CCDC14: variants seen among roughly 807,000 people sequenced by gnomAD.
The protein encoded by CCDC14 is coiled-coil domain-containing protein 14.
A neutral mutation model predicts 81.4 loss-of-function variants in CCDC14; 71 were observed. The observed-to-expected ratio is 0.87, with a 90% CI of 0.72 to 1.06. The LOEUF is 1.06. Ranked by LOEUF, CCDC14 falls within the 50% of genes least tolerant of loss-of-function variation. The pLI, the probability that CCDC14 is intolerant of heterozygous loss-of-function variation, is 0.00. For missense variants in CCDC14, 1,046 were observed against 1,047.3 expected, an observed-to-expected ratio of 1.00 and a Z score of 0.02; for synonymous variants, 332 against 364.8, an observed-to-expected ratio of 0.91 and a Z score of 1.03.
intron 12 of CCDC14, among the ~76,000 whole-genome samples, chr3:123,922,781 T>TA (rs2035129822): frequency 6.6e-6 from 1 of 152,196 alleles, no homozygotes; most frequent in South Asian, 2.1e-4. Context: ...AACCAACACT[T>TA]AAAGAACATT....
At chr3:123,922,845 T>G (rs1409611597) in intron 12 of CCDC14, among the ~76,000 whole-genome samples, 1 of 152,102 alleles carries the variant, frequency 6.6e-6, no homozygotes, top group African/African-American at 2.4e-5. Context: ...ACATTCAAAG[T>G]GCAGGGAATT....
chr3:123,908,076 G>A (rs573136096), intron 5 of CCDC14, among the ~76,000 whole-genome samples: 52 of 152,038 alleles, frequency 3.4e-4, no homozygotes, highest in Middle Eastern at 3.4e-3. Context: ...GACACTCTTC[G>A]AAATTAAAAT....
intron 5 of CCDC14, among the ~76,000 whole-genome samples, chr3:123,907,251 G>A (rs1281607895): frequency 1.3e-5 from 2 of 152,130 alleles, no homozygotes; most frequent in Middle Eastern, 3.2e-3. Flanking sequence ...CAGCAAGCTT[G>A]TAAGGAGGAC....
downstream of CCDC14, among the ~76,000 whole-genome samples, chr3:123,896,891 G>T (rs568129818): frequency 6.6e-6 from 1 of 152,010 alleles, no homozygotes; most frequent in Non-Finnish European, 1.5e-5. Context: ...AGATAATAGC[G>T]ATTTAAAGTA....
At chr3:123,899,372 T>C (rs1167488331) in intron 5 of CCDC14, among the ~76,000 whole-genome samples, 3 of 152,166 alleles carry the variant, frequency 2.0e-5, no homozygotes, top group Non-Finnish European at 4.4e-5. Context: ...CCACCAGTGA[T>C]CCCCAAATGT....
chr3:123,915,497 T>C lies in CCDC14; in HGVS notation c.2000A>G (p.Glu667Gly), dbSNP rs138141215. ...GGTTTTGTCTGGCTCTATGGTTTCC[T>C]CATTTTTAATTGTAGAAAGTGGCTC... ...HSEPLSTIKN[E>G]ETIEPDKTYE... is the part of the protein sequence containing the mutation. The change falls in exon 13 of 13, where the codon GAG becomes GGG. Residue 667 changes from glutamate to glycine, a missense_variant. Coordinates refer to ENST00000409697, the MANE Select transcript of CCDC14 (RefSeq NM_001366335.1). 12 of 1,614,016 alleles carry C rather than the reference T, an allele frequency of 7.4e-6. No individual in the cohort carries two copies. Among genetic ancestry groups the C allele is most frequent in the Non-Finnish European group, 8.5e-7 (1 of 1,179,872 alleles).
chr3:123,903,344 G>A (rs1287188272), intron 5 of CCDC14, among the ~76,000 whole-genome samples: 1 of 133,996 alleles, frequency 7.5e-6, no homozygotes, highest in African/African-American at 3.2e-5. Context: ...ACACACACAC[G>A]ACAAGCCACA....
chr3:123,943,814 T>C (rs2036486301), intron 9 of CCDC14, among the ~76,000 whole-genome samples: 3 of 152,150 alleles, frequency 2.0e-5, no homozygotes, highest in Admixed American at 1.3e-4. Flanking sequence ...ACCGAGGGCA[T>C]AGAAGCTCCA....
chr3:123,957,496 CCTGT>C (rs1275488667), intron 1 of CCDC14: 3 of 151,934 alleles, frequency 2.0e-5, no homozygotes, highest in African/African-American at 7.2e-5. Context: ...AGAACTCTAC[CCTGT>C]CTCTTTATCT....
chr3:123,899,742 C>T (rs1188007604), intron 5 of CCDC14, among the ~76,000 whole-genome samples: 1 of 152,216 alleles, frequency 6.6e-6, no homozygotes, highest in Non-Finnish European at 1.5e-5. Flanking sequence ...TTTTCTTCAA[C>T]ATAAATCTGT....
At chr3:123,911,264 T>C (rs1260797296), downstream of CCDC14, among the ~76,000 whole-genome samples, 3 of 152,188 alleles carry the variant, frequency 2.0e-5, no homozygotes, top group East Asian at 5.8e-4. Flanking sequence ...AGACAACAGC[T>C]TTAAATAAAA....
chr3:123,918,288 T>C (rs1477504895), intron 12 of CCDC14, among the ~76,000 whole-genome samples: 1 of 152,252 alleles, frequency 6.6e-6, no homozygotes, highest in African/African-American at 2.4e-5. Context: ...CTAATTGTTC[T>C]TCAAATGGCA....
intron 12 of CCDC14, among the ~76,000 whole-genome samples, chr3:123,929,973 C>T (rs1230273029): frequency 6.6e-6 from 1 of 152,172 alleles, no homozygotes; most frequent in Non-Finnish European, 1.5e-5. Context: ...CTTACAAAGA[C>T]TTCCATAAGA....
intron 12 of CCDC14, among the ~76,000 whole-genome samples, chr3:123,928,831 G>A (rs1239012313): frequency 6.6e-6 from 1 of 152,210 alleles, no homozygotes; most frequent in African/African-American, 2.4e-5. Context: ...AAAGATGTGA[G>A]TTCTAGTCCC....
chr3:123,923,967 T>TAAA (rs35674177), intron 12 of CCDC14, among the ~76,000 whole-genome samples: 1 of 141,096 alleles, frequency 7.1e-6, no homozygotes. Flanking sequence ...ACAGAATCAT[T>TAAA]AAAAAAAAAA....
Position 123,956,784 on chromosome 3 carries a change from T to C in CCDC14, c.42A>G (p.Ser14=), listed in dbSNP as rs956812571. The C allele has an allele frequency of 1.3e-5, 20 of 1,539,140 alleles. 1 individual carries two copies. The African/African-American group carries it at 2.6e-4, about 20-fold the overall frequency. The change falls in exon 2 of 13, where the codon TCA becomes TCG. Residue 14 remains serine, a synonymous_variant. Transcript: ENST00000409697. ...ATTTAGCAGGTCCAGTGTGCCTTCC[T>C]GAAGATAACACCTATGACATAATAT... ...SGARPGQVLS[S]GRHTGPAKLT... is the part of the protein sequence containing the mutation.
intron 9 of CCDC14, among the ~76,000 whole-genome samples, chr3:123,944,265 T>C (rs2036511858): frequency 1.3e-5 from 2 of 152,140 alleles, no homozygotes; most frequent in Admixed American, 6.6e-5. Context: ...GCTTTTAACA[T>C]AATGTCCCAG....
At chr3:123,909,256 A>G (rs983843995), downstream of CCDC14, among the ~76,000 whole-genome samples, 5 of 152,266 alleles carry the variant, frequency 3.3e-5, no homozygotes, top group African/African-American at 1.2e-4. Flanking sequence ...CTTGTTATAG[A>G]TTTGAACAAA....
chr3:123,926,859 A>C (rs1035262641), intron 12 of CCDC14, among the ~76,000 whole-genome samples: 1 of 152,156 alleles, frequency 6.6e-6, no homozygotes, highest in African/African-American at 2.4e-5. Context: ...CCAAAACCAT[A>C]TGCCTATCTG....
Sources: allele counts gnomAD v4.1 joint callset (sites outside exome capture counted in the v4.1 genomes callset), GRCh38; gene constraint gnomAD v4.1.1; transcripts MANE v1.5; gene names NCBI Gene and HGNC (gene_info 2026-07-23, HGNC 2026-07-21).